Variants in ICMT observed in about 807,000 individuals in gnomAD.
ICMT encodes the protein protein-S-isoprenylcysteine O-methyltransferase.
A neutral mutation model predicts 32.2 loss-of-function variants in ICMT; 10 were observed. The ratio of observed to expected loss-of-function variants is 0.31; its 90% confidence interval spans 0.19 to 0.53. ICMT has a LOEUF of 0.53. ICMT is among the 20% of genes least tolerant of loss of function. ICMT has a pLI of 0.96. For synonymous variants in ICMT, 183 were observed against 158.2 expected (o/e 1.16, Z -1.18); for missense variants, 265 against 356.9 (o/e 0.74, Z 2.07).
chr1:6,231,158 A>G (rs1406648068), intron 4 of ICMT, among the ~76,000 whole-genome samples: 3 of 152,036 alleles, frequency 2.0e-5, no homozygotes, highest in South Asian at 2.1e-4. Flanking sequence ...TCAACAGAGC[A>G]AGACTAGGTC....
intron 4 of ICMT, among the ~76,000 whole-genome samples, chr1:6,231,026 C>T (rs1025593511): frequency 1.3e-5 from 2 of 151,662 alleles, no homozygotes; most frequent in Non-Finnish European, 2.9e-5. Context: ...ACTCGAGAAA[C>T]CCTGTCTCTA....
rs1405973536 is a variant in ICMT at position 6,225,173 on chromosome 1, T to C, written c.762A>G (p.Ser254=). ...FRDRTEEEEI[S]LIHFFGEEYL... ...ACTCCTCTCCAAAAAAGTGAATTAG[T>C]GAGATTTCTTCTTCTTCTGTTCGAT... Residue 254 remains serine, a synonymous_variant, in exon 5 of 5, where the codon TCA becomes TCG. Coordinates refer to ENST00000343813, the MANE Select transcript of ICMT (RefSeq NM_012405.4). The C allele has an allele frequency of 6.2e-7, 1 of 1,612,634 alleles. No homozygotes were observed. The highest frequency in any genetic ancestry group is 8.5e-7 in the Non-Finnish European group (1 of 1,178,822).
chr1:6,231,057 G>C (rs913968514), intron 4 of ICMT, among the ~76,000 whole-genome samples: 6 of 151,838 alleles, frequency 4.0e-5, no homozygotes, highest in African/African-American at 9.7e-5. Context: ...ACGAAAAGTA[G>C]TCAGGCATGG....
Position 6,235,718 on chromosome 1 carries a change from T to G in ICMT, c.194A>C (p.Gln65Pro). ...LLLLYRPPRY[Q>P]IAIRACFLGF... ...CCGCCGGCCCCCGCCGGCCTGCACC[T>G]GGTAGCGAGGCGGCCGATAGAGCAG... is the stretch of plus-strand genomic sequence containing the variant. Residue 65 changes from glutamine (Q) to proline (P), a missense_variant and splice_region_variant, in exon 1 of 5, where the codon CAG (glutamine) becomes CCG (proline). Gln to Pro is a moderately conservative substitution (Grantham distance 76). This residue lies in a region of ICMT where 99 missense variants were observed against 92.6 expected (regional missense o/e 1.07). Coordinates refer to ENST00000343813, the MANE Select transcript of ICMT (RefSeq NM_012405.4). The G allele has an allele frequency of 7.8e-7, 1 of 1,275,064 alleles. No individual in the cohort carries two copies. The highest frequency in any genetic ancestry group is 1.0e-6 in the Non-Finnish European group (1 of 1,002,468). 79.0% of individuals were successfully genotyped at this position (1,275,064 alleles called of 1,614,324 possible).
chr1:6,234,588 A>ACC (rs1668787598), intron 2 of ICMT: 4 of 500,060 alleles, frequency 8.0e-6, no homozygotes, highest in Non-Finnish European at 3.8e-6. Flanking sequence ...GAGGACCTGC[A>ACC]CCCCTTCCGG....
intron 4 of ICMT, among the ~76,000 whole-genome samples, chr1:6,226,327 C>G (rs1245359859): frequency 6.6e-6 from 1 of 152,094 alleles, no homozygotes; most frequent in Non-Finnish European, 1.5e-5. Flanking sequence ...ACCCAGGAGG[C>G]AGAGGTTGCA....
chr1:6,228,348 CTTT>C (rs778804066), intron 4 of ICMT, among the ~76,000 whole-genome samples: 1 of 143,922 alleles, frequency 6.9e-6, no homozygotes, highest in Admixed American at 7.0e-5. Context: ...GTTTCTTTTT[CTTT>C]TTTTTTTTTG....
intron 1 of ICMT, 29 bp from the exon 2 acceptor site, chr1:6,235,003 A>T: frequency 6.4e-7 from 1 of 1,573,776 alleles, no homozygotes; most frequent in Non-Finnish European, 8.7e-7. Context: ...AAGCTCAGTC[A>T]TTCACAGTCC....
At chr1:6,232,548 C>T (rs1668753631) in intron 3 of ICMT, among the ~76,000 whole-genome samples, 1 of 152,200 alleles carries the variant, frequency 6.6e-6, no homozygotes, top group Non-Finnish European at 1.5e-5. Context: ...ATTCCACATA[C>T]GGAGGCTTTT....
At chr1:6,234,305 T>A in intron 2 of ICMT, 2 of 352,996 alleles carry the variant, frequency 5.7e-6, no homozygotes, top group Non-Finnish European at 1.1e-5. Flanking sequence ...CATAAAGGAG[T>A]GATGTATGTC....
At chr1:6,229,425 C>T (rs1668696373) in intron 4 of ICMT, among the ~76,000 whole-genome samples, 1 of 152,178 alleles carries the variant, frequency 6.6e-6, no homozygotes, top group Non-Finnish European at 1.5e-5. Context: ...TTGCAGTGAG[C>T]TGAGATCACA....
At chr1:6,231,037 C>CA (rs1444289898) in intron 4 of ICMT, among the ~76,000 whole-genome samples, 5 of 150,816 alleles carry the variant, frequency 3.3e-5, no homozygotes, top group Admixed American at 6.6e-5. Context: ...CCTGTCTCTA[C>CA]AAAAAAAATA....
chr1:6,223,766 G>A lies in ICMT; in HGVS notation c.*1314C>T, dbSNP rs2100957913. On this transcript the variant is annotated 3_prime_UTR_variant, in exon 5 of 5. Transcript: ENST00000343813. Reference sequence around the variant, plus strand: ...TTTAGTGGCTCCTCACAGGCCGCGTGGTGGGGCAGCAGAGTGGTGCTCTGG... The same window carrying A: ...TTTAGTGGCTCCTCACAGGCCGCGTAGTGGGGCAGCAGAGTGGTGCTCTGG... 6.6e-6 allele frequency: 1 copy of A among 152,386 alleles called. No homozygotes were observed. The highest frequency in any genetic ancestry group is 2.1e-4 in the South Asian group (1 of 4,830). The allele number at this position is 152,386 out of a possible 1,614,324, so 9.4% of individuals were successfully genotyped here.
At chr1:6,229,745 T>TCAAAA (rs1432106420) in intron 4 of ICMT, among the ~76,000 whole-genome samples, 1 of 147,778 alleles carries the variant, frequency 6.8e-6, no homozygotes, top group Non-Finnish European at 1.5e-5. Flanking sequence ...AGACCCTGCC[T>TCAAAA]CAAAACAAAA....
intron 4 of ICMT, among the ~76,000 whole-genome samples, chr1:6,227,843 G>A (rs141498969): frequency 0.029 from 4,436 of 151,854 alleles, 181 homozygotes; most frequent in African/African-American, 0.095. Context: ...GCGACAGAGC[G>A]AGACTCTGTC....
chr1:6,235,740 G>C lies in ICMT; in HGVS notation c.172C>G (p.Leu58Val). The C allele has an allele frequency of 7.6e-7, 1 of 1,311,132 alleles. No individual in the cohort carries two copies. Among genetic ancestry groups the C allele is most frequent in the Non-Finnish European group, 9.8e-7 (1 of 1,019,870 alleles). The allele number at this position is 1,311,132 out of a possible 1,614,324, so 81.2% of individuals were successfully genotyped here. A position where few individuals can be genotyped will look rare whatever the true frequency, so the allele number is the denominator to read the frequency against. ...VAGLNALLLLLYRPPRYQIAI... is the reference protein window; with the variant it reads ...VAGLNALLLLVYRPPRYQIAI... ...ACCTGGTAGCGAGGCGGCCGATAGA[G>C]CAGCAGCAGCAGCGCGTTGAGCCCG... Residue 58 changes from leucine (L) to valine (V), a missense_variant, in exon 1 of 5, where the codon CTC becomes GTC. Around this residue, in one of 2 missense-constraint regions of ICMT, gnomAD observed 99 missense variants for 92.6 expected, o/e 1.07. Coordinates refer to ENST00000343813, the MANE Select transcript of ICMT (RefSeq NM_012405.4).
Position 6,221,661 on chromosome 1 carries a change from A to G in ICMT, c.*3419T>C, listed in dbSNP as rs1345714009. 1 of 152,636 alleles carries G rather than the reference A, an allele frequency of 6.6e-6. No homozygotes were observed. Among genetic ancestry groups the G allele is most frequent in the Non-Finnish European group, 1.5e-5 (1 of 68,042 alleles). 9.5% of individuals were successfully genotyped at this position (152,636 alleles called of 1,614,324 possible). On this transcript the variant is annotated 3_prime_UTR_variant, in exon 5 of 5. Coordinates refer to ENST00000343813, the MANE Select transcript of ICMT (RefSeq NM_012405.4). ...GTTTAGGAACATTTTCCCCGGTCGT[A>G]TCAATCCCCCAGGTTGGTAAATGAA...
rs572231448 is a variant in ICMT at position 6,222,236 on chromosome 1, C to G, written c.*2844G>C. The G allele has an allele frequency of 6.6e-6, 1 of 152,340 alleles. No homozygotes were observed. Among genetic ancestry groups the G allele is most frequent in the East Asian group, 1.9e-4 (1 of 5,182 alleles). 9.4% of individuals were successfully genotyped at this position (152,340 alleles called of 1,614,324 possible). A position where few individuals can be genotyped will look rare whatever the true frequency, so the allele number is the denominator to read the frequency against. On this transcript the variant is annotated 3_prime_UTR_variant, in exon 5 of 5. Transcript: ENST00000343813. ...AGGAGTTCGAGACCAGCCTGGCCAT[C>G]ATGGTGAAACCCCGTCTCTACTAAA... is the stretch of plus-strand genomic sequence containing the variant.
At chr1:6,227,235 T>C (rs549023247) in intron 4 of ICMT, among the ~76,000 whole-genome samples, 2 of 152,326 alleles carry the variant, frequency 1.3e-5, no homozygotes, top group South Asian at 4.1e-4. Flanking sequence ...TGCACACACA[T>C]ATACAGGAAG....
Sources: gnomAD v4.1 joint callset for allele counts (sites outside exome capture counted in the v4.1 genomes callset) on GRCh38, gnomAD v4.1.1 for gene constraint, gnomAD v4.1.1 regional missense constraint, MANE v1.5 for transcripts, NCBI Gene and HGNC (gene_info 2026-07-23, HGNC 2026-07-21) for gene names.